ROBO2: variants seen among roughly 807,000 people sequenced by gnomAD.
ROBO2 encodes the protein roundabout homolog 2.
In ROBO2, 53 loss-of-function variants were observed where a neutral mutation model predicts 160.8. That is an observed-to-expected ratio of 0.33 (90% CI 0.26 to 0.41). The LOEUF (loss-of-function observed/expected upper bound fraction) is 0.41, where lower values mean the gene tolerates loss of function less well. Among genes scored for constraint, ROBO2 ranks in the 10% least tolerant of loss-of-function variants. ROBO2 has a pLI of 1.00. For missense variants in ROBO2, 1,577 were observed against 1,722.4 expected (o/e 0.92, Z 1.49); for synonymous variants, 664 against 611.7 (o/e 1.09, Z -1.26).
At chr3:76,406,711 A>G (rs2075208117) in intron 2 of ROBO2, among the ~76,000 whole-genome samples, 1 of 151,938 alleles carries the variant, frequency 6.6e-6, no homozygotes, top group Non-Finnish European at 1.5e-5. Context: ...AATGATAATC[A>G]TTGTTTGCAC....
intron 2 of ROBO2, among the ~76,000 whole-genome samples, chr3:76,471,897 C>A (rs890280865): frequency 3.3e-5 from 5 of 152,108 alleles, no homozygotes; most frequent in Non-Finnish European, 5.9e-5. Flanking sequence ...CATGAGAACT[C>A]ATTCACTACC....
intron 2 of ROBO2, among the ~76,000 whole-genome samples, chr3:76,740,643 A>G (rs1206059520): frequency 2.0e-5 from 3 of 152,230 alleles, no homozygotes; most frequent in South Asian, 4.1e-4. Context: ...GACATTTTAT[A>G]TCTTGCCTAT....
intron 1 of ROBO2, among the ~76,000 whole-genome samples, chr3:75,923,840 G>A (rs190308060): frequency 1.2e-4 from 19 of 152,350 alleles, no homozygotes; most frequent in Middle Eastern, 3.4e-3. Flanking sequence ...GAGGTGTAAT[G>A]TGCAGAAATC....
At chr3:77,648,552 A>G (rs1045647217) in exon 26 of ROBO2, 2 of 152,206 alleles carry the variant, frequency 1.3e-5, no homozygotes, top group Non-Finnish European at 2.9e-5. Flanking sequence ...CATGTTGCCT[A>G]TTAAACCTAG....
intron 2 of ROBO2, among the ~76,000 whole-genome samples, chr3:77,134,963 C>T (rs1432069325): frequency 6.6e-6 from 1 of 152,206 alleles, no homozygotes; most frequent in Non-Finnish European, 1.5e-5. Context: ...CCCCCGTTTG[C>T]TGCCAGTGTC....
intron 2 of ROBO2, among the ~76,000 whole-genome samples, chr3:77,180,304 C>CA (rs1298706520): frequency 3.4e-5 from 5 of 148,544 alleles, no homozygotes; most frequent in Non-Finnish European, 6.0e-5. Flanking sequence ...TTAACAACAA[C>CA]AAAAAATCAG....
At chr3:76,603,422 G>C (rs1280454936) in intron 2 of ROBO2, among the ~76,000 whole-genome samples, 1 of 120,672 alleles carries the variant, frequency 8.3e-6, no homozygotes, top group Admixed American at 8.7e-5. Context: ...TTTTTGATTT[G>C]AATATTTGCC....
rs142016092 is a variant in ROBO2 at position 76,741,482 on chromosome 3, C to T, written c.110-356532C>T. Reference sequence around the variant, plus strand: ...GCCTAGAAATGTGGCTGATATTTACCACAGGTGAAAGAGTAGTTTGGTTGA... The same window carrying T: ...GCCTAGAAATGTGGCTGATATTTACTACAGGTGAAAGAGTAGTTTGGTTGA... On this transcript the variant is annotated intron_variant, in intron 2 of 26. Coordinates refer to the ROBO2 transcript ENST00000487694. Among the ~76,000 whole-genome samples the T allele has an allele frequency of 6.5e-3, 991 of 151,928 alleles. 6 individuals are homozygous for T. Among genetic ancestry groups the T allele is most frequent in the Middle Eastern group, 0.024 (7 of 294 alleles).
chr3:75,937,581 C>T lies in ROBO2; in HGVS notation c.88C>T (p.Gln30Ter). The stretch of plus-strand genomic sequence containing the variant: ...GATGACTGTGGTGTTTTGGGGTCAT[C>T]AGGGGAATGGACAAGGCCAAGGTAA... The change falls in exon 2 of 27, where the codon CAG (glutamine) becomes TAG (stop). Residue 30 changes from glutamine to a stop codon, truncating the protein, a stop_gained. Coordinates refer to the ROBO2 transcript ENST00000487694. LOFTEE classifies it high-confidence loss of function. 1 of 1,560,558 alleles carries T rather than the reference C, an allele frequency of 6.4e-7. No homozygotes were observed. Among genetic ancestry groups the T allele is most frequent in the Non-Finnish European group, 8.6e-7 (1 of 1,158,108 alleles).
At chr3:76,838,995 T>G (rs1035764353) in intron 2 of ROBO2, among the ~76,000 whole-genome samples, 27 of 152,266 alleles carry the variant, frequency 1.8e-4, no homozygotes, top group Admixed American at 1.8e-3. Flanking sequence ...TCTTAAAGAT[T>G]TGAACACTCT....
At chr3:77,540,437 G>A (rs1445477103) in intron 6 of ROBO2, among the ~76,000 whole-genome samples, 1 of 151,770 alleles carries the variant, frequency 6.6e-6, no homozygotes, top group Non-Finnish European at 1.5e-5. Flanking sequence ...TAAGCCAGAA[G>A]TCAAACCTGT....
chr3:77,228,637 A>G (rs770891492), intron 2 of ROBO2, among the ~76,000 whole-genome samples: 16 of 152,258 alleles, frequency 1.1e-4, no homozygotes, highest in Non-Finnish European at 2.2e-4. Context: ...TACCTAATGT[A>G]GATGACCCGT....
intron 2 of ROBO2, among the ~76,000 whole-genome samples, chr3:76,057,259 T>C (rs2067881335): frequency 1.3e-5 from 2 of 152,184 alleles, no homozygotes; most frequent in Admixed American, 6.5e-5. Flanking sequence ...TGGAGTTCCT[T>C]AAAGTCATTT....
chr3:77,242,559 A>G (rs1488727646), intron 2 of ROBO2, among the ~76,000 whole-genome samples: 4 of 152,168 alleles, frequency 2.6e-5, no homozygotes, highest in Admixed American at 6.5e-5. Context: ...CAGCTTTACT[A>G]TAGAGATGAC....
At chr3:77,392,545 T>G (rs764106999) in intron 2 of ROBO2, among the ~76,000 whole-genome samples, 2 of 152,210 alleles carry the variant, frequency 1.3e-5, no homozygotes, top group African/African-American at 4.8e-5. Context: ...CAATTTAAAA[T>G]TATATATTGT....
At chr3:76,430,500 A>AT (rs962618267) in intron 2 of ROBO2, among the ~76,000 whole-genome samples, 6 of 151,794 alleles carry the variant, frequency 4.0e-5, no homozygotes, top group East Asian at 1.9e-4. Flanking sequence ...ATTTTCTTCT[A>AT]TTTTTTTAAA....
At chr3:77,479,060 G>C (rs929674301) in intron 3 of ROBO2, among the ~76,000 whole-genome samples, 1 of 152,152 alleles carries the variant, frequency 6.6e-6, no homozygotes, top group South Asian at 2.1e-4. Context: ...ATAGGATAGA[G>C]GGAAGTGGGA....
chr3:76,411,947 C>A (rs2075509499), intron 2 of ROBO2, among the ~76,000 whole-genome samples: 1 of 152,050 alleles, frequency 6.6e-6, no homozygotes, highest in South Asian at 2.1e-4. Context: ...GAAGTATGTG[C>A]CTGAAAATGC....
At chr3:76,159,243 A>G (rs1395665966) in intron 2 of ROBO2, among the ~76,000 whole-genome samples, 3 of 152,200 alleles carry the variant, frequency 2.0e-5, no homozygotes, top group Non-Finnish European at 1.5e-5. Flanking sequence ...GTATTTTTAT[A>G]GGCGCCAAGC....
Sources: allele counts gnomAD v4.1 joint callset (sites outside exome capture counted in the v4.1 genomes callset), GRCh38; gene constraint gnomAD v4.1.1; transcripts MANE v1.5; gene names NCBI Gene and HGNC (gene_info 2026-07-23, HGNC 2026-07-21).